The following NALCN variants were observed in gnomAD, a reference collection of about 807,000 sequenced individuals.
The protein encoded by NALCN is sodium leak channel NALCN.
A neutral mutation model predicts 225.3 loss-of-function variants in NALCN; 111 were observed. That is an observed-to-expected ratio of 0.49 (90% CI 0.42 to 0.58). The LOEUF (loss-of-function observed/expected upper bound fraction) is 0.58. Ranked by LOEUF, NALCN falls within the 20% of genes least tolerant of loss-of-function variation. The pLI, the probability that NALCN is intolerant of heterozygous loss-of-function variation, is 0.00. For synonymous variants in NALCN, 764 were observed against 769.0 expected (o/e 0.99, Z 0.11); for missense variants, 1,378 against 2,202.4 (o/e 0.63, Z 7.49).
intron 7 of NALCN, among the ~76,000 whole-genome samples, chr13:101,315,253 A>G (rs1938147584): frequency 6.6e-6 from 1 of 152,220 alleles, no homozygotes; most frequent in Non-Finnish European, 1.5e-5. Flanking sequence ...TAGAAAGTCT[A>G]GATAATCTGA....
chr13:101,070,530 A>G (rs1406827358), intron 37 of NALCN, among the ~76,000 whole-genome samples: 1 of 152,224 alleles, frequency 6.6e-6, no homozygotes, highest in African/African-American at 2.4e-5. Context: ...TTCTTGATCC[A>G]TGGACAGAAT....
intron 11 of NALCN, 49 bp downstream of exon 11, chr13:101,258,394 G>T: frequency 6.2e-7 from 1 of 1,610,740 alleles, no homozygotes. Flanking sequence ...CACTGTCCGC[G>T]GTTCACCTGC....
At chr13:101,167,042 T>G (rs2038474449) in intron 15 of NALCN, among the ~76,000 whole-genome samples, 1 of 152,222 alleles carries the variant, frequency 6.6e-6, no homozygotes, top group Admixed American at 6.5e-5. Flanking sequence ...AGGGTTTACT[T>G]GTGGCCTCTC....
chr13:101,058,425 GGCAGT>G, intron 42 of NALCN: 1 of 152,472 alleles, frequency 6.6e-6, no homozygotes, highest in South Asian at 1.9e-4. Context: ...GCTGGGCGGG[GGCAGT>G]CTACTGTCAC....
chr13:101,338,683 A>T (rs2045462722), intron 7 of NALCN, among the ~76,000 whole-genome samples: 1 of 152,234 alleles, frequency 6.6e-6, no homozygotes, highest in Non-Finnish European at 1.5e-5. Context: ...TCTAACTGGC[A>T]CATCACCTCT....
chr13:101,089,547 A>G lies in NALCN; in HGVS notation c.3489+116T>C. ...TAAAACAGTTATAGAGATTATTTAC[A>G]CCAGTCACATTACAGTTTAAAGCGG... On this transcript the variant is annotated intron_variant, in intron 30 of 43. Transcript: ENST00000251127. This position sits in a 1 kb window ranked among gnomAD's most constrained non-coding sequence, Gnocchi z 4.7. The G allele has an allele frequency of 1.3e-6, 1 of 796,998 alleles. No homozygotes were observed. Among genetic ancestry groups the G allele is most frequent in the Non-Finnish European group, 2.0e-6 (1 of 494,506 alleles). 49.4% of individuals were successfully genotyped at this position (796,998 alleles called of 1,614,324 possible). A position where few individuals can be genotyped will look rare whatever the true frequency, so the allele number is the denominator to read the frequency against.
chr13:101,082,247 T>C (rs1267285007), intron 33 of NALCN, among the ~76,000 whole-genome samples: 1 of 152,208 alleles, frequency 6.6e-6, no homozygotes, highest in Non-Finnish European at 1.5e-5. Context: ...CCAAGATATA[T>C]GATTTTATTT....
At chr13:101,163,039 C>G (rs993475362) in intron 15 of NALCN, among the ~76,000 whole-genome samples, 1 of 151,876 alleles carries the variant, frequency 6.6e-6, no homozygotes, top group African/African-American at 2.4e-5. Context: ...GTAGCTAGGA[C>G]TACAGGCGCC....
chr13:101,237,034 A>G (rs1008552963), intron 12 of NALCN, among the ~76,000 whole-genome samples: 4 of 151,828 alleles, frequency 2.6e-5, no homozygotes, highest in African/African-American at 9.7e-5. Flanking sequence ...TTTTGACTAG[A>G]ATACCATGTA....
intron 7 of NALCN, among the ~76,000 whole-genome samples, chr13:101,329,522 G>A (rs1017478890): frequency 5.9e-5 from 9 of 151,978 alleles, no homozygotes; most frequent in African/African-American, 1.5e-4. Context: ...CTGCACAGAG[G>A]TTGGCATAAC....
In NALCN at chr13:101,329,570, G is replaced by A. The variant is rs573799179; in HGVS notation, c.799+15696C>T. ...AAAAAATACTAAAAATAATAACACC[G>A]AAATGGAATATTTGTAAAATTAAAA... On this transcript the variant is annotated intron_variant, in intron 7 of 43. Transcript: ENST00000251127. Among the ~76,000 whole-genome samples, 6 of 152,064 alleles carry A rather than the reference G, an allele frequency of 3.9e-5. No individual in the cohort carries two copies. In the East Asian group the frequency reaches 9.7e-4, roughly 24 times the overall value.
At chr13:101,240,609 C>G (rs1396229225) in intron 11 of NALCN, among the ~76,000 whole-genome samples, 2 of 151,950 alleles carry the variant, frequency 1.3e-5, no homozygotes, top group Non-Finnish European at 2.9e-5. Context: ...TATAAAGGTA[C>G]AGTTATATAA....
chr13:101,124,601 G>A lies in NALCN; in HGVS notation c.2192+7C>T. On this transcript the variant is annotated splice_region_variant and intron_variant, in intron 18 of 43. Coordinates refer to ENST00000251127, the MANE Select transcript of NALCN (RefSeq NM_052867.4). ...TTTAAATATGTGTCAACATTAATTG[G>A]TGTTACCTTAAGATTTTAGTGACTG... The A allele has an allele frequency of 6.2e-7, 1 of 1,611,040 alleles. No homozygotes were observed. Among genetic ancestry groups the A allele is most frequent in the Non-Finnish European group, 8.5e-7 (1 of 1,177,838 alleles).
At chr13:101,306,903 A>G in intron 7 of NALCN, among the ~76,000 whole-genome samples, 1 of 151,910 alleles carries the variant, frequency 6.6e-6, no homozygotes, top group East Asian at 1.9e-4. Context: ...TATCAGGTGC[A>G]TTTTCTTGGA....
chr13:101,165,701 C>T (rs2038405600), intron 15 of NALCN, among the ~76,000 whole-genome samples: 1 of 152,214 alleles, frequency 6.6e-6, no homozygotes, highest in African/African-American at 2.4e-5. Flanking sequence ...ATCTCAAATT[C>T]CTGGGCTCAA....
intron 10 of NALCN, among the ~76,000 whole-genome samples, chr13:101,263,469 A>C (rs1165311165): frequency 1.3e-5 from 2 of 152,128 alleles, no homozygotes; most frequent in Non-Finnish European, 2.9e-5. Context: ...TTTCCATTTC[A>C]TCTGCATGGC....
chr13:101,329,711 G>A (rs2139228440), intron 7 of NALCN, among the ~76,000 whole-genome samples: 1 of 152,074 alleles, frequency 6.6e-6, no homozygotes, highest in African/African-American at 2.4e-5. Context: ...ATCAAAGAAA[G>A]GAAAATTGCA....
chr13:101,100,230 TGG>T, intron 27 of NALCN, among the ~76,000 whole-genome samples: 1 of 152,222 alleles, frequency 6.6e-6, no homozygotes, highest in Middle Eastern at 3.4e-3. Flanking sequence ...CATTTTTGCA[TGG>T]GGCTGTTTGC....
At chr13:101,246,795 T>G (rs2041910720) in intron 11 of NALCN, among the ~76,000 whole-genome samples, 1 of 152,236 alleles carries the variant, frequency 6.6e-6, no homozygotes. Flanking sequence ...CAAACGTGGG[T>G]GTCAGATTTT....
Sources: allele counts gnomAD v4.1 joint callset (sites outside exome capture counted in the v4.1 genomes callset), GRCh38; gene constraint gnomAD v4.1.1; non-coding constraint Gnocchi (gnomAD v3.1); transcripts MANE v1.5; gene names NCBI Gene and HGNC (gene_info 2026-07-23, HGNC 2026-07-21).